Variants in WDFY3 observed in about 807,000 individuals in gnomAD.
WDFY3 encodes the protein WD repeat and FYVE domain-containing protein 3.
WDFY3 carries 66 observed loss-of-function variants against 409.6 expected under a neutral mutation model. The observed-to-expected ratio is 0.16, with a 90% CI of 0.13 to 0.20. The LOEUF is 0.20. WDFY3 is among the 10% of genes least tolerant of loss of function. WDFY3 has a pLI of 1.00. For missense variants in WDFY3, 3,031 were observed against 4,298.1 expected (o/e 0.71, Z 8.24); for synonymous variants, 1,521 against 1,537.1 (o/e 0.99, Z 0.25).
intron 53 of WDFY3, among the ~76,000 whole-genome samples, chr4:84,706,549 A>G (rs1194131535): frequency 1.3e-4 from 13 of 101,070 alleles, no homozygotes; most frequent in South Asian, 1.2e-3. Context: ...TAAAATGGTG[A>G]AAAAAAAAAA....
chr4:84,948,653 G>A (rs143345431), intron 1 of WDFY3, among the ~76,000 whole-genome samples: 207 of 152,232 alleles, frequency 1.4e-3, no homozygotes, highest in African/African-American at 4.6e-3. Context: ...TTTCTAGCTC[G>A]TTATGATGCC....
At chr4:84,746,332 C>T (rs1739444711) in intron 36 of WDFY3, among the ~76,000 whole-genome samples, 1 of 151,842 alleles carries the variant, frequency 6.6e-6, no homozygotes, top group African/African-American at 2.4e-5. Context: ...AAGAAAGCTA[C>T]TCTTTCAGGT....
chr4:84,739,284 T>C (rs1212316448), intron 39 of WDFY3, 165 bp from the exon 40 acceptor site: 6 of 610,782 alleles, frequency 9.8e-6, no homozygotes, highest in Non-Finnish European at 1.7e-5. Flanking sequence ...TTTTAAGAGG[T>C]GATCAAATAA....
chr4:84,873,308 A>C (rs1762370214), intron 3 of WDFY3, among the ~76,000 whole-genome samples: 1 of 152,232 alleles, frequency 6.6e-6, no homozygotes, highest in South Asian at 2.1e-4. Context: ...ATTTAAAAGA[A>C]CAGAAATCAT....
At chr4:84,763,732 T>C (rs1409151680) in intron 32 of WDFY3, among the ~76,000 whole-genome samples, 2 of 152,016 alleles carry the variant, frequency 1.3e-5, no homozygotes, top group Non-Finnish European at 2.9e-5. Flanking sequence ...AAAATTAAGT[T>C]AAGTGGGGTC....
chr4:84,908,197 G>A (rs1168275627), intron 2 of WDFY3, among the ~76,000 whole-genome samples: 1 of 152,122 alleles, frequency 6.6e-6, no homozygotes, highest in Non-Finnish European at 1.5e-5. Context: ...GCTCCAAAGG[G>A]CCTCCTCTAA....
rs778092614 is a variant in WDFY3, at chr4:84,740,264, C to G, written c.6387G>C (p.Leu2129Phe). 6.2e-7 allele frequency: 1 copy of G among 1,613,958 alleles called. No homozygotes were observed. The highest frequency in any genetic ancestry group is 1.1e-5 in the South Asian group (1 of 91,074). ...SLRVLTVNRN[L>F]ILGPGNHDQE... is the part of the protein sequence containing the mutation. The stretch of plus-strand genomic sequence containing the variant: ...GGTCATGGTTCCCAGGTCCCAGGAT[C>G]AAGTTTCTGTTTACAGTGAGGACCC... The change falls in exon 39 of 68, where the codon TTG becomes TTC. Residue 2129 changes from leucine (L) to phenylalanine (F), a missense_variant. This residue lies in a region of WDFY3 where 314 missense variants were observed against 397.4 expected (regional missense o/e 0.79). Coordinates refer to ENST00000295888, the MANE Select transcript of WDFY3 (RefSeq NM_014991.6).
intron 3 of WDFY3, among the ~76,000 whole-genome samples, chr4:84,896,499 C>T (rs960238163): frequency 9.2e-5 from 14 of 151,974 alleles, no homozygotes; most frequent in African/African-American, 3.4e-4. Flanking sequence ...CATTTTTAGC[C>T]ATTAAGAATT....
chr4:84,741,846 T>C lies in WDFY3; in HGVS notation c.6149A>G (p.Gln2050Arg). 6.2e-7 allele frequency: 1 copy of C among 1,613,420 alleles called. No individual in the cohort carries two copies. Among genetic ancestry groups the C allele is most frequent in the Non-Finnish European group, 8.5e-7 (1 of 1,179,444 alleles). ...TTGCCAAAGCTTGTCCACCACACGC[T>C]GTGTGAAATAAAACACATTGTTCAC... ...VLVNNVFYFT[Q>R]RVVDKLWQGM... Residue 2050 changes from glutamine (Q) to arginine (R), a missense_variant, in exon 38 of 68, where the codon CAG becomes CGG. Coordinates refer to ENST00000295888, the MANE Select transcript of WDFY3 (RefSeq NM_014991.6).
chr4:84,928,151 T>C (rs919973715), intron 2 of WDFY3, among the ~76,000 whole-genome samples: 1 of 152,220 alleles, frequency 6.6e-6, no homozygotes, highest in Non-Finnish European at 1.5e-5. Context: ...GAACTTGCCC[T>C]CTTTTCTGAA....
chr4:84,951,067 ACT>A (rs1396837272), intron 1 of WDFY3, among the ~76,000 whole-genome samples: 1 of 152,152 alleles, frequency 6.6e-6, no homozygotes, highest in Admixed American at 6.5e-5. Flanking sequence ...AATTTCATGT[ACT>A]CTTTCCCTCT....
chr4:84,890,102 CT>C (rs555819588), intron 3 of WDFY3, among the ~76,000 whole-genome samples: 1 of 151,638 alleles, frequency 6.6e-6, no homozygotes, highest in Non-Finnish European at 1.5e-5. Flanking sequence ...CTTGCCCCAG[CT>C]TTTTTTTATT....
chr4:84,866,794 G>A (rs539355294), intron 3 of WDFY3, among the ~76,000 whole-genome samples: 5 of 152,084 alleles, frequency 3.3e-5, no homozygotes, highest in Non-Finnish European at 5.9e-5. Flanking sequence ...GCTTCATTGC[G>A]TGTGCATTTT....
chr4:84,952,495 C>T (rs1773731633), intron 1 of WDFY3, among the ~76,000 whole-genome samples: 1 of 152,024 alleles, frequency 6.6e-6, no homozygotes, highest in African/African-American at 2.4e-5. Context: ...AAAACAACAC[C>T]CCTTTATACA....
At position 84,671,224 on chromosome 4, in the gene WDFY3, A is replaced by G. The variant is rs914080343; in HGVS notation, c.*1644T>C. 4.6e-5 allele frequency: 7 copies of G among 152,714 alleles called. No homozygotes were observed. Among genetic ancestry groups the G allele is most frequent in the South Asian group, 2.1e-4 (1 of 4,826 alleles). The allele number at this position is 152,714 out of a possible 1,614,324, so 9.5% of individuals were successfully genotyped here. A position where few individuals can be genotyped will look rare whatever the true frequency, so the allele number is the denominator to read the frequency against. On this transcript the variant is annotated 3_prime_UTR_variant, in exon 68 of 68. Transcript: ENST00000295888. Reference sequence around the variant, plus strand: ...TGCCTATTTTTGAATGCATGTGCATATATGTGCATTTTAGTGCATAAGTGT... The same window carrying G: ...TGCCTATTTTTGAATGCATGTGCATGTATGTGCATTTTAGTGCATAAGTGT...
intron 3 of WDFY3, among the ~76,000 whole-genome samples, chr4:84,881,282 A>AT (rs1299975252): frequency 1.3e-5 from 2 of 152,284 alleles, no homozygotes; most frequent in Non-Finnish European, 2.9e-5. Context: ...TTGATAGCAA[A>AT]TAACGTATCT....
intron 16 of WDFY3, among the ~76,000 whole-genome samples, chr4:84,802,426 A>T (rs1400137415): frequency 6.6e-6 from 1 of 151,398 alleles, no homozygotes; most frequent in Non-Finnish European, 1.5e-5. Context: ...TGCCAGGCTA[A>T]TTTTTTGCAT....
At chr4:84,677,835 C>T (rs1056234703) in intron 66 of WDFY3, among the ~76,000 whole-genome samples, 12 of 151,240 alleles carry the variant, frequency 7.9e-5, no homozygotes, top group African/African-American at 1.9e-4. Flanking sequence ...TGATGGTGCA[C>T]GCCTATAGTC....
chr4:84,844,528 T>C (rs1425497240), intron 5 of WDFY3: 2 of 1,289,370 alleles, frequency 1.6e-6, no homozygotes, highest in Non-Finnish European at 2.0e-6. Flanking sequence ...AAAAAAAGGC[T>C]GGGTTGTCTA....
Sources: gnomAD v4.1 joint callset for allele counts (sites outside exome capture counted in the v4.1 genomes callset) on GRCh38, gnomAD v4.1.1 for gene constraint, gnomAD v4.1.1 regional missense constraint, MANE v1.5 for transcripts, NCBI Gene and HGNC (gene_info 2026-07-23, HGNC 2026-07-21) for gene names.